The following ARHGAP15 variants were observed in gnomAD, a reference collection of about 807,000 sequenced individuals.
The protein encoded by ARHGAP15 is Rho GTPase activating protein 15.
In ARHGAP15, 51 loss-of-function variants were observed where a neutral mutation model predicts 63.7. That is an observed-to-expected ratio of 0.80 (90% confidence interval 0.64 to 1.01). The LOEUF is 1.01. Among genes scored for constraint, ARHGAP15 ranks in the 50% least tolerant of loss-of-function variants. The pLI is 0.00. For synonymous variants in ARHGAP15, 191 were observed against 193.8 expected (o/e 0.99, Z 0.12); for missense variants, 560 against 564.6 (o/e 0.99, Z 0.08).
chr2:143,724,077 G>A (rs1311565879), intron 13 of ARHGAP15, among the ~76,000 whole-genome samples: 5 of 151,336 alleles, frequency 3.3e-5, no homozygotes, highest in African/African-American at 1.2e-4. Flanking sequence ...GTGTGTGTAT[G>A]TGTGTGATCT....
chr2:143,463,064 G>C (rs572709161), intron 8 of ARHGAP15, among the ~76,000 whole-genome samples: 2 of 151,966 alleles, frequency 1.3e-5, no homozygotes, highest in African/African-American at 4.8e-5. Context: ...CTTGAAACAT[G>C]AGATATTTTT....
chr2:143,447,995 C>A (rs1032512421), intron 8 of ARHGAP15, among the ~76,000 whole-genome samples: 1 of 151,976 alleles, frequency 6.6e-6, no homozygotes, highest in Non-Finnish European at 1.5e-5. Context: ...TAGGGGCTGG[C>A]AGAAGAGAGC....
chr2:143,545,309 C>T (rs1035878876), intron 10 of ARHGAP15, among the ~76,000 whole-genome samples: 2 of 152,146 alleles, frequency 1.3e-5, no homozygotes, highest in African/African-American at 4.8e-5. Context: ...TTATGCTCCA[C>T]CAACACAGAG....
intron 13 of ARHGAP15, among the ~76,000 whole-genome samples, chr2:143,731,997 C>T (rs910317329): frequency 2.0e-5 from 3 of 152,200 alleles, no homozygotes; most frequent in Admixed American, 6.5e-5. Flanking sequence ...TGGCCAGCTT[C>T]TATGCAAAAT....
chr2:143,666,389 G>A (rs569263926), intron 12 of ARHGAP15, among the ~76,000 whole-genome samples: 64 of 152,168 alleles, frequency 4.2e-4, no homozygotes, highest in Non-Finnish European at 7.1e-4. Context: ...AAACTGTATC[G>A]CTTCCTTACA....
chr2:143,554,105 AT>A, intron 10 of ARHGAP15, among the ~76,000 whole-genome samples: 1 of 152,288 alleles, frequency 6.6e-6, no homozygotes. Flanking sequence ...AGATATTCAC[AT>A]TTTATCTTTA....
chr2:143,443,017 T>A lies in ARHGAP15; in HGVS notation c.703+5975T>A, dbSNP rs75797365. ...TTTTTTTCCTGTGACCATTGAGACC[T>A]TTCTGGGAACTATGTAATTAAGAAA... On this transcript the variant is annotated intron_variant, in intron 8 of 13. Transcript: ENST00000295095. Among the ~76,000 whole-genome samples the A allele has an allele frequency of 8.8e-3, 1,334 of 152,286 alleles. 8 individuals carry two copies. Among genetic ancestry groups the A allele is most frequent in the Non-Finnish European group, 0.014 (954 of 68,004 alleles).
chr2:143,190,174 A>T (rs1324620924), intron 2 of ARHGAP15, among the ~76,000 whole-genome samples: 1 of 152,182 alleles, frequency 6.6e-6, no homozygotes, highest in African/African-American at 2.4e-5. Flanking sequence ...ATTAGTTGTA[A>T]GTTAGTAAGT....
At position 143,471,267 on chromosome 2, in the gene ARHGAP15, C is replaced by T. The variant is rs75400562; in HGVS notation, c.704-16106C>T. Among the ~76,000 whole-genome samples the T allele has an allele frequency of 0.017, 2,426 of 145,800 alleles. 105 individuals carry two copies. In the East Asian group the frequency reaches 0.17, roughly 10 times the overall value. On this transcript the variant is annotated intron_variant, in intron 8 of 13. Coordinates refer to ENST00000295095, the MANE Select transcript of ARHGAP15 (RefSeq NM_018460.4). ...GTATATATACACACATATATATATACACATAGAGAGCATGCATTTATTTTT... is the reference window on the plus strand; with the variant it reads ...GTATATATACACACATATATATATATACATAGAGAGCATGCATTTATTTTT...
chr2:143,435,327 GTT>G, intron 6 of ARHGAP15: 1 of 1,081,048 alleles, frequency 9.3e-7, no homozygotes, highest in Non-Finnish European at 1.1e-6. Context: ...TTCCTGGCTT[GTT>G]TCTCCTTAAG....
At chr2:143,429,605 CAA>C (rs1689295087) in intron 6 of ARHGAP15, among the ~76,000 whole-genome samples, 3 of 152,188 alleles carry the variant, frequency 2.0e-5, no homozygotes, top group Admixed American at 6.5e-5. Context: ...CAATCAACCC[CAA>C]ACACATTGAA....
In ARHGAP15 at chr2:143,435,601, A is replaced by C. The variant is rs772117265; in HGVS notation, c.475A>C (p.Ile159Leu). 2 of 1,513,808 alleles carry C rather than the reference A, an allele frequency of 1.3e-6. No individual in the cohort carries two copies. The highest frequency in any genetic ancestry group is 2.3e-5 in the Admixed American group (1 of 43,872). 93.8% of individuals were successfully genotyped at this position (1,513,808 alleles called of 1,614,324 possible). A position where few individuals can be genotyped will look rare whatever the true frequency, so the allele number is the denominator to read the frequency against. ...EKSSRKNVFQ[I>L]TTVSGNEFLL... ...CTTTTTCTTTTTTTTTTTTTTGCAG[A>C]TCACAACAGTATCAGGAAATGAGTT... Residue 159 changes from isoleucine to leucine, a missense_variant and splice_region_variant, in exon 7 of 14, where the codon ATC becomes CTC. Transcript: ENST00000295095.
chr2:143,622,164 T>G (rs184629146), intron 11 of ARHGAP15, among the ~76,000 whole-genome samples: 209 of 152,238 alleles, frequency 1.4e-3, no homozygotes, highest in Middle Eastern at 6.8e-3. Context: ...ATGAAGCTCT[T>G]AACAAAACAT....
At chr2:143,187,386 G>A (rs1691494156) in intron 2 of ARHGAP15, among the ~76,000 whole-genome samples, 2 of 152,188 alleles carry the variant, frequency 1.3e-5, no homozygotes, top group South Asian at 4.1e-4. Flanking sequence ...GAAGCCTTAA[G>A]AGCAGAAGGG....
At chr2:143,595,520 T>A (rs1433355150) in intron 11 of ARHGAP15, among the ~76,000 whole-genome samples, 1 of 152,160 alleles carries the variant, frequency 6.6e-6, no homozygotes, top group East Asian at 1.9e-4. Context: ...TAATTGTTGG[T>A]TTCTTCCTCC....
intron 6 of ARHGAP15, among the ~76,000 whole-genome samples, chr2:143,364,142 C>T (rs1312302383): frequency 4.0e-5 from 6 of 151,898 alleles, no homozygotes; most frequent in African/African-American, 1.5e-4. Context: ...AACTATTTTT[C>T]CCCATCGCAA....
chr2:143,711,027 G>A (rs944300805), intron 13 of ARHGAP15, among the ~76,000 whole-genome samples: 7 of 152,288 alleles, frequency 4.6e-5, no homozygotes, highest in East Asian at 1.9e-4. Flanking sequence ...GTGGCCCACA[G>A]GCCACACTCA....
chr2:143,721,409 A>T (rs529405827), intron 13 of ARHGAP15, among the ~76,000 whole-genome samples: 1 of 152,186 alleles, frequency 6.6e-6, no homozygotes, highest in Non-Finnish European at 1.5e-5. Flanking sequence ...CATGGGGAGA[A>T]GAAAAGGTAA....
chr2:143,458,716 C>G (rs139195772), intron 8 of ARHGAP15, among the ~76,000 whole-genome samples: 1 of 152,220 alleles, frequency 6.6e-6, no homozygotes, highest in African/African-American at 2.4e-5. Flanking sequence ...GTTTTCCTCT[C>G]CTTTGCTAAT....
Sources: gnomAD v4.1 joint callset for allele counts (sites outside exome capture counted in the v4.1 genomes callset) on GRCh38, gnomAD v4.1.1 for gene constraint, MANE v1.5 for transcripts, NCBI Gene and HGNC (gene_info 2026-07-23, HGNC 2026-07-21) for gene names.